The following MCF2L2 variants were observed in gnomAD, a reference collection of about 807,000 sequenced individuals.
MCF2L2 encodes MCF.2 cell line derived transforming sequence-like 2.
Under a neutral mutation model 150.2 loss-of-function variants are expected in MCF2L2, and 102 were observed. The ratio of observed to expected loss-of-function variants is 0.68; its 90% confidence interval spans 0.58 to 0.80. The LOEUF (loss-of-function observed/expected upper bound fraction) is 0.80. Among genes scored for constraint, MCF2L2 ranks in the 30% least tolerant of loss-of-function variants. MCF2L2 has a pLI of 0.00. For missense variants in MCF2L2, 1,256 were observed against 1,372.8 expected (o/e 0.91, Z 1.34); for synonymous variants, 465 against 491.3 (o/e 0.95, Z 0.71).
At chr3:183,303,081 C>CTG (rs1728933431) in intron 10 of MCF2L2, among the ~76,000 whole-genome samples, 1 of 151,808 alleles carries the variant, frequency 6.6e-6, no homozygotes, top group South Asian at 2.1e-4. Context: ...GTAGTCCCAG[C>CTG]TACTCGGGAG....
At chr3:183,347,440 A>G (rs1730944278) in intron 3 of MCF2L2, among the ~76,000 whole-genome samples, 1 of 152,242 alleles carries the variant, frequency 6.6e-6, no homozygotes, top group African/African-American at 2.4e-5. Context: ...TAAGACCTAA[A>G]ACCATAAAAA....
At chr3:183,315,358 T>G (rs1426901538) in intron 7 of MCF2L2, among the ~76,000 whole-genome samples, 1 of 152,190 alleles carries the variant, frequency 6.6e-6, no homozygotes, top group East Asian at 1.9e-4. Context: ...TAAATCGCTT[T>G]GAGAATTTTG....
At chr3:183,336,832 G>T (rs1171512007) in intron 5 of MCF2L2, among the ~76,000 whole-genome samples, 2 of 150,354 alleles carry the variant, frequency 1.3e-5, no homozygotes, top group Non-Finnish European at 2.9e-5. Context: ...CTCCAGCCTG[G>T]GCAACAGAGT....
chr3:183,309,860 A>G (rs1440551476), intron 9 of MCF2L2, 25 bp from the exon 10 acceptor site: 1 of 1,612,378 alleles, frequency 6.2e-7, no homozygotes. Flanking sequence ...AGAACAGTCC[A>G]GAAGTAAACC....
In MCF2L2 at chr3:183,224,101, A is replaced by G; in HGVS notation, c.2205T>C (p.Phe735=). ...IWQECQDCAY[F]GVCQRQLDHN... is the part of the protein sequence containing the mutation. ...AAGTTTGTCTTCTCAACATTACCCC[A>G]AAGTAGGCGCAGTCTTGACACTCTT... Residue 735 remains phenylalanine, a synonymous_variant, in exon 19 of 30, where the codon TTT becomes TTC. Coordinates refer to ENST00000328913, the MANE Select transcript of MCF2L2 (RefSeq NM_015078.4). The G allele has an allele frequency of 6.2e-7, 1 of 1,613,164 alleles. No homozygotes were observed. Among genetic ancestry groups the G allele is most frequent in the Non-Finnish European group, 8.5e-7 (1 of 1,179,144 alleles).
In MCF2L2 at chr3:183,352,973, C is replaced by T. The variant is rs188296009; in HGVS notation, c.276-11343G>A. ...AACCAATTACCAATCAGAAAATGTTCGATATGTTATCCGCTTCGAGGTAAC... is the reference window on the plus strand; with the variant it reads ...AACCAATTACCAATCAGAAAATGTTTGATATGTTATCCGCTTCGAGGTAAC... On this transcript the variant is annotated intron_variant, in intron 3 of 29. Coordinates refer to ENST00000328913, the MANE Select transcript of MCF2L2 (RefSeq NM_015078.4). Among the ~76,000 whole-genome samples, 437 of 152,072 alleles carry T rather than the reference C, an allele frequency of 2.9e-3. 10 individuals are homozygous for T. The highest frequency in any genetic ancestry group is 0.026 in the Admixed American group (402 of 15,270).
chr3:183,207,662 C>T lies in MCF2L2; in HGVS notation c.2658G>A (p.Met886Ile), dbSNP rs1160815249. Residue 886 changes from methionine (M) to isoleucine (I), a missense_variant, in exon 23 of 30, where the codon ATG becomes ATA. Coordinates refer to ENST00000328913, the MANE Select transcript of MCF2L2 (RefSeq NM_015078.4). Reference protein sequence around the residue: ...ERGIVFCKIRMEPGDQGLSPH... With the variant: ...ERGIVFCKIRIEPGDQGLSPH... Reference sequence around the variant, plus strand: ...GAGATAATCCCTGGTCCCCAGGCTCCATTCGTATCTTACAGAACACTATTC... The same window carrying T: ...GAGATAATCCCTGGTCCCCAGGCTCTATTCGTATCTTACAGAACACTATTC... 1 of 1,614,228 alleles carries T rather than the reference C, an allele frequency of 6.2e-7. No individual in the cohort carries two copies. The highest frequency in any genetic ancestry group is 8.5e-7 in the Non-Finnish European group (1 of 1,180,024).
intron 15 of MCF2L2, among the ~76,000 whole-genome samples, chr3:183,266,427 C>G (rs933712381): frequency 2.6e-4 from 40 of 152,168 alleles, no homozygotes; most frequent in African/African-American, 9.7e-4. Flanking sequence ...GAGAATTTTC[C>G]TAGAATTCTC....
intron 14 of MCF2L2, among the ~76,000 whole-genome samples, chr3:183,278,630 T>A (rs1727301886): frequency 6.6e-6 from 1 of 152,242 alleles, no homozygotes; most frequent in Admixed American, 6.5e-5. Context: ...ATACAGGCCC[T>A]TCATAAAGAG....
chr3:183,403,376 TAA>T (rs1491186947), intron 1 of MCF2L2, among the ~76,000 whole-genome samples: 2 of 152,216 alleles, frequency 1.3e-5, no homozygotes, highest in African/African-American at 2.4e-5. Flanking sequence ...CGACTTGTGA[TAA>T]GAGAGAGTGA....
intron 21 of MCF2L2, among the ~76,000 whole-genome samples, chr3:183,216,489 T>A (rs1439212736): frequency 7.2e-6 from 1 of 139,652 alleles, no homozygotes; most frequent in African/African-American, 2.7e-5. Flanking sequence ...TATATGTTTA[T>A]ATATTAATTA....
chr3:183,394,620 T>A (rs1714339716), intron 1 of MCF2L2, among the ~76,000 whole-genome samples: 1 of 152,244 alleles, frequency 6.6e-6, no homozygotes, highest in South Asian at 2.1e-4. Context: ...ACCTGCCCCA[T>A]AACAGTGACT....
At chr3:183,322,708 G>A (rs548798020) in intron 6 of MCF2L2, among the ~76,000 whole-genome samples, 34 of 152,244 alleles carry the variant, frequency 2.2e-4, no homozygotes, top group Non-Finnish European at 4.6e-4. Context: ...TGATGCCAAG[G>A]TTTGGGGTAC....
intron 15 of MCF2L2, among the ~76,000 whole-genome samples, chr3:183,245,506 G>A (rs942861558): frequency 6.6e-6 from 1 of 152,132 alleles, no homozygotes. Flanking sequence ...GTGTGGATGA[G>A]TGCTGGCCAG....
chr3:183,187,759 G>A (rs772213948), intron 27 of MCF2L2, among the ~76,000 whole-genome samples: 6 of 152,114 alleles, frequency 3.9e-5, no homozygotes, highest in East Asian at 1.9e-4. Flanking sequence ...GAGCCACCGC[G>A]CCCAGCCCTT....
At chr3:183,187,966 T>C (rs1046614666) in intron 27 of MCF2L2, among the ~76,000 whole-genome samples, 5 of 152,046 alleles carry the variant, frequency 3.3e-5, no homozygotes, top group African/African-American at 9.7e-5. Flanking sequence ...GTTACCATAG[T>C]GGAAGGAGAA....
At chr3:183,244,846 A>T (rs1467775626) in intron 15 of MCF2L2, among the ~76,000 whole-genome samples, 1 of 151,856 alleles carries the variant, frequency 6.6e-6, no homozygotes, top group Non-Finnish European at 1.5e-5. Context: ...CTGCTACTTT[A>T]CCTAGTTGCT....
intron 15 of MCF2L2, among the ~76,000 whole-genome samples, chr3:183,264,117 C>T (rs1041488443): frequency 1.3e-5 from 2 of 152,194 alleles, no homozygotes; most frequent in Non-Finnish European, 2.9e-5. Flanking sequence ...CCAGAAATTT[C>T]TATGACTTCC....
rs180727565 is a variant in MCF2L2 at position 183,326,925 on chromosome 3, T to C, written c.487-3574A>G. On this transcript the variant is annotated intron_variant, in intron 5 of 29. Coordinates refer to ENST00000328913, the MANE Select transcript of MCF2L2 (RefSeq NM_015078.4). ...GTAATTCAATGGAGAAATAATTCTA[T>C]TTAAACAAATGGTGCTGAAACAACC... Among the ~76,000 whole-genome samples the C allele has an allele frequency of 1.1e-4, 17 of 152,274 alleles. No homozygotes were observed. The East Asian group carries it at 3.3e-3, about 29-fold the overall frequency.
Sources: allele counts gnomAD v4.1 joint callset (sites outside exome capture counted in the v4.1 genomes callset), GRCh38; gene constraint gnomAD v4.1.1; transcripts MANE v1.5; gene names NCBI Gene and HGNC (gene_info 2026-07-23, HGNC 2026-07-21).